The following ANKS1B variants were observed in gnomAD, a reference collection of about 807,000 sequenced individuals.
The protein encoded by ANKS1B is ankyrin repeat and sterile alpha motif domain containing 1B.
A neutral mutation model predicts 148.3 loss-of-function variants in ANKS1B; 36 were observed. The observed-to-expected ratio is 0.24, with a 90% CI of 0.19 to 0.32. The LOEUF (loss-of-function observed/expected upper bound fraction) is 0.32, where lower values mean the gene tolerates loss of function less well. Among genes scored for constraint, ANKS1B ranks in the 10% least tolerant of loss-of-function variants. ANKS1B has a pLI of 1.00. For synonymous variants in ANKS1B, 542 were observed against 560.8 expected, an observed-to-expected ratio of 0.97 and a Z score of 0.47; for missense variants, 1,157 against 1,542.6, an observed-to-expected ratio of 0.75 and a Z score of 4.19.
At position 99,099,588 on chromosome 12, in the gene ANKS1B, G is replaced by A. The variant is rs141909472; in HGVS notation, c.2527-14565C>T. On this transcript the variant is annotated intron_variant, in intron 15 of 26. Coordinates refer to ENST00000683438, the MANE Select transcript of ANKS1B (RefSeq NM_001352186.2). ...TGGAGCATTCTCCCTCCTTCTAACC[G>A]TCCTGGGTTTGGCCTGTATTTGTCT... 3.9e-5 allele frequency among the ~76,000 whole-genome samples: 6 copies of A among 152,284 alleles called. No homozygotes were observed. The South Asian group carries it at 6.2e-4, about 16-fold the overall frequency.
At chr12:99,377,029 G>T (rs1310037970) in intron 12 of ANKS1B, among the ~76,000 whole-genome samples, 1 of 149,910 alleles carries the variant, frequency 6.7e-6, no homozygotes, top group Admixed American at 6.6e-5. Flanking sequence ...TTTTTTTTGA[G>T]ATGGAGTCTC....
At chr12:99,309,335 T>C (rs2082818435) in intron 12 of ANKS1B, among the ~76,000 whole-genome samples, 1 of 152,066 alleles carries the variant, frequency 6.6e-6, no homozygotes, top group Non-Finnish European at 1.5e-5. Flanking sequence ...ATCAAATATA[T>C]CTTAAGCTCC....
intron 17 of ANKS1B, among the ~76,000 whole-genome samples, chr12:99,016,974 TAA>T (rs993353454): frequency 1.2e-3 from 176 of 152,320 alleles, no homozygotes; most frequent in African/African-American, 4.2e-3. Flanking sequence ...AATCACTTAG[TAA>T]AGAGTCTTGC....
intron 16 of ANKS1B, among the ~76,000 whole-genome samples, chr12:99,071,644 C>CTTTTTTTTTTTTTTTTTTTT (rs71646503): frequency 7.0e-6 from 1 of 143,144 alleles, no homozygotes. Flanking sequence ...TAATCTCTCT[C>CTTTTTTTTTTTTTTTTTTTT]TTTTTTTTTT....
At chr12:99,928,274 T>TTATTTTA (rs1555250621) in intron 1 of ANKS1B, among the ~76,000 whole-genome samples, 1 of 82,580 alleles carries the variant, frequency 1.2e-5, no homozygotes, top group Admixed American at 1.0e-4. Flanking sequence ...TTATTTTATT[T>TTATTTTA]TTTTTTTTTT....
chr12:99,290,555 A>G (rs1386382301), intron 12 of ANKS1B, among the ~76,000 whole-genome samples: 1 of 152,090 alleles, frequency 6.6e-6, no homozygotes, highest in East Asian at 1.9e-4. Context: ...TCAGCAACAC[A>G]TTAAAAAGGT....
intron 8 of ANKS1B, among the ~76,000 whole-genome samples, chr12:99,684,183 A>G (rs2153488917): frequency 6.6e-6 from 1 of 152,130 alleles, no homozygotes; most frequent in Admixed American, 6.5e-5. Flanking sequence ...ACTGGTCACC[A>G]ATGATATGAT....
intron 15 of ANKS1B, among the ~76,000 whole-genome samples, chr12:99,145,926 T>C (rs1277697512): frequency 6.6e-6 from 1 of 152,084 alleles, no homozygotes; most frequent in Non-Finnish European, 1.5e-5. Flanking sequence ...GTGAGAATTA[T>C]ATGGGATAAT....
At chr12:99,330,303 G>A (rs2087255325) in intron 12 of ANKS1B, among the ~76,000 whole-genome samples, 1 of 151,880 alleles carries the variant, frequency 6.6e-6, no homozygotes, top group African/African-American at 2.4e-5. Context: ...ATAGATTCAA[G>A]TAAATCCAGC....
At chr12:99,814,237 GA>G (rs2068808647) in intron 2 of ANKS1B, among the ~76,000 whole-genome samples, 1 of 151,590 alleles carries the variant, frequency 6.6e-6, no homozygotes, top group Non-Finnish European at 1.5e-5. Context: ...CTGTCATTAA[GA>G]AACACATGAC....
intron 17 of ANKS1B, among the ~76,000 whole-genome samples, chr12:98,934,077 C>T (rs2099816270): frequency 1.3e-5 from 2 of 152,004 alleles, no homozygotes; most frequent in South Asian, 4.2e-4. Context: ...AAATCATGGC[C>T]AAGACGACTG....
chr12:99,165,306 G>T (rs547600872), intron 14 of ANKS1B, among the ~76,000 whole-genome samples: 1 of 151,892 alleles, frequency 6.6e-6, no homozygotes, highest in South Asian at 2.1e-4. Flanking sequence ...TGAAACAAAA[G>T]ATCAATAGAG....
At chr12:99,628,667 T>C (rs1316973956) in intron 9 of ANKS1B, among the ~76,000 whole-genome samples, 2 of 152,174 alleles carry the variant, frequency 1.3e-5, no homozygotes, top group African/African-American at 2.4e-5. Context: ...AGAGATTTAT[T>C]TGGCTCACAG....
intron 9 of ANKS1B, among the ~76,000 whole-genome samples, chr12:99,582,260 G>A (rs770383783): frequency 2.0e-5 from 3 of 151,382 alleles, no homozygotes; most frequent in Non-Finnish European, 4.4e-5. Context: ...AATGCAAAAT[G>A]GCTTAGCCAT....
chr12:99,206,619 A>C (rs2082702689), intron 14 of ANKS1B, among the ~76,000 whole-genome samples: 1 of 152,196 alleles, frequency 6.6e-6, no homozygotes, highest in Non-Finnish European at 1.5e-5. Context: ...AAAGAAAGCT[A>C]AAGTGTTTCT....
chr12:99,836,179 T>C (rs1476070794), intron 1 of ANKS1B, among the ~76,000 whole-genome samples: 1 of 152,142 alleles, frequency 6.6e-6, no homozygotes, highest in African/African-American at 2.4e-5. Flanking sequence ...CTGTTTGTTT[T>C]TGTAAATAAA....
At chr12:99,900,437 C>G (rs1420427659) in intron 1 of ANKS1B, among the ~76,000 whole-genome samples, 1 of 135,248 alleles carries the variant, frequency 7.4e-6, no homozygotes. Context: ...ACCCGGGAGG[C>G]GGAGGTTGCA....
intron 17 of ANKS1B, among the ~76,000 whole-genome samples, chr12:98,908,439 A>G (rs533589436): frequency 1.3e-5 from 2 of 152,248 alleles, no homozygotes; most frequent in Non-Finnish European, 2.9e-5. Flanking sequence ...TTCACAACCA[A>G]TATACAAGGT....
At chr12:99,092,720 T>G (rs2153651698) in intron 15 of ANKS1B, among the ~76,000 whole-genome samples, 1 of 152,246 alleles carries the variant, frequency 6.6e-6, no homozygotes, top group Non-Finnish European at 1.5e-5. Context: ...AAGGAAGGGC[T>G]CCTCTGCAGG....
Sources: allele counts gnomAD v4.1 joint callset (sites outside exome capture counted in the v4.1 genomes callset), GRCh38; gene constraint gnomAD v4.1.1; transcripts MANE v1.5; gene names NCBI Gene and HGNC (gene_info 2026-07-23, HGNC 2026-07-21).